Variants in ADAM7 observed in about 807,000 individuals in gnomAD.
ADAM7 encodes the protein disintegrin and metalloproteinase domain-containing protein 7.
In ADAM7, 97 loss-of-function variants were observed where a neutral mutation model predicts 102.9. The ratio of observed to expected loss-of-function variants is 0.94; its 90% confidence interval spans 0.80 to 1.12. The LOEUF is 1.12. Among genes scored for constraint, ADAM7 ranks in the 50% most tolerant of loss-of-function variants. The pLI is 0.00. For synonymous variants in ADAM7, 334 were observed against 304.4 expected (o/e 1.10, Z -1.01); for missense variants, 991 against 908.7 (o/e 1.09, Z -1.16).
intron 3 of ADAM7, among the ~76,000 whole-genome samples, chr8:24,449,390 T>G (rs1818689696): frequency 6.6e-6 from 1 of 152,246 alleles, no homozygotes; most frequent in South Asian, 2.1e-4. Flanking sequence ...GATTTGCATT[T>G]CTCTGATGGC....
intron 20 of ADAM7, among the ~76,000 whole-genome samples, chr8:24,502,919 GAA>G (rs35202171): frequency 0.72 from 109,647 of 151,804 alleles, 40,385 homozygotes; most frequent in African/African-American, 0.81. Flanking sequence ...ATTACAAGAA[GAA>G]AAAGCACTAC....
chr8:24,497,777 C>T (rs1200101778), intron 16 of ADAM7, among the ~76,000 whole-genome samples: 1 of 151,922 alleles, frequency 6.6e-6, no homozygotes, highest in Non-Finnish European at 1.5e-5. Flanking sequence ...CCTTGAATGT[C>T]AAAAATAAAG....
At chr8:24,472,411 T>C (rs1819637382) in intron 7 of ADAM7, among the ~76,000 whole-genome samples, 1 of 152,038 alleles carries the variant, frequency 6.6e-6, no homozygotes, top group Non-Finnish European at 1.5e-5. Flanking sequence ...TGTTTTCTTT[T>C]TTACCACAAC....
In ADAM7 at chr8:24,496,952, C is replaced by T. The variant is rs542380797; in HGVS notation, c.1843-2284C>T. ...GTGAGGACATGAGATTTGGGAGGGG[C>T]CAGGGACGGAATGATGTGGTTTGGC... On this transcript the variant is annotated intron_variant, in intron 16 of 21. Transcript: ENST00000175238. Among the ~76,000 whole-genome samples, 5 of 152,154 alleles carry T rather than the reference C, an allele frequency of 3.3e-5. 1 individual carries two copies. The highest frequency in any genetic ancestry group is 9.6e-5 in the African/African-American group (4 of 41,514).
At chr8:24,492,265 C>G in intron 14 of ADAM7, 167 bp downstream of exon 14, 1 of 731,474 alleles carries the variant, frequency 1.4e-6, no homozygotes, top group Non-Finnish European at 2.2e-6. Flanking sequence ...GTTGATCTTA[C>G]GTCTAATATT....
At chr8:24,506,268 G>C in intron 20 of ADAM7, 3 of 849,354 alleles carry the variant, frequency 3.5e-6, no homozygotes, top group South Asian at 1.6e-5. Flanking sequence ...ATATAACATC[G>C]ATAGCTCTCT....
intron 16 of ADAM7, among the ~76,000 whole-genome samples, chr8:24,498,390 TC>T (rs1167175015): frequency 6.6e-6 from 1 of 151,564 alleles, no homozygotes; most frequent in Non-Finnish European, 1.5e-5. Flanking sequence ...TTATTTAGAT[TC>T]AAATATATTA....
intron 2 of ADAM7, among the ~76,000 whole-genome samples, chr8:24,443,974 T>C (rs1480665537): frequency 8.4e-6 from 1 of 118,494 alleles, no homozygotes; most frequent in African/African-American, 3.2e-5. Flanking sequence ...TAAAATAAAA[T>C]AAAAATATCA....
chr8:24,490,765 C>G, intron 12 of ADAM7, 34 bp from the exon 13 acceptor site: 1 of 1,600,262 alleles, frequency 6.2e-7, no homozygotes, highest in Non-Finnish European at 8.5e-7. Context: ...GAGTACATAC[C>G]AATTTCTCAT....
At chr8:24,495,912 C>T (rs777025419) in intron 16 of ADAM7, among the ~76,000 whole-genome samples, 17 of 152,204 alleles carry the variant, frequency 1.1e-4, no homozygotes, top group East Asian at 3.8e-4. Context: ...AAGCTGGCTG[C>T]GGATGTCTGC....
At chr8:24,446,161 G>A (rs947941671) in intron 2 of ADAM7, among the ~76,000 whole-genome samples, 1 of 152,072 alleles carries the variant, frequency 6.6e-6, no homozygotes, top group Admixed American at 6.6e-5. Flanking sequence ...CAACAACTGT[G>A]AATCTTAAAT....
Position 24,466,838 on chromosome 8 carries a change from A to T in ADAM7, c.429A>T (p.Glu143Asp). 2 of 1,613,936 alleles carry T rather than the reference A, an allele frequency of 1.2e-6. No individual in the cohort carries two copies. The highest frequency in any genetic ancestry group is 1.7e-6 in the Non-Finnish European group (2 of 1,179,942). Residue 143 changes from glutamate to aspartate, a missense_variant, in exon 6 of 22, where the codon GAA (glutamate) becomes GAT (aspartate). By Grantham distance (45) the Glu-to-Asp change is conservative. Transcript: ENST00000175238. The part of the protein sequence containing the change: ...FRINDQRYLI[E>D]PVKYSDEGEH... The stretch of plus-strand genomic sequence containing the variant: ...TAAACGACCAAAGATACCTCATTGA[A>T]CCAGTGAAATACTCAGATGAGGGAG...
rs1413397708 is a variant in ADAM7, at chr8:24,490,861, A to C, written c.1329A>C (p.Ala443=). ...TCVLKPGFTC[A]EGECCESCQI... ...TACTGAAGCCAGGATTTACTTGTGC[A>C]GAAGGAGAATGCTGTGAATCTTGTC... Residue 443 remains alanine, a synonymous_variant, in exon 13 of 22, where the codon GCA becomes GCC. Coordinates refer to ENST00000175238, the MANE Select transcript of ADAM7 (RefSeq NM_003817.4). 1 of 1,613,696 alleles carries C rather than the reference A, an allele frequency of 6.2e-7. No homozygotes were observed. The highest frequency in any genetic ancestry group is 2.2e-5 in the East Asian group (1 of 44,882).
Position 24,509,321 on chromosome 8 carries a change from T to C in ADAM7, c.*775T>C. The C allele has an allele frequency of 1.0e-6, 1 of 985,462 alleles. No individual in the cohort carries two copies. The highest frequency in any genetic ancestry group is 1.2e-6 in the Non-Finnish European group (1 of 829,976). The allele number at this position is 985,462 out of a possible 1,614,324, so 61.0% of individuals were successfully genotyped here. ...GTGCAATTTGACAATGTGCCATTTC[T>C]GTGCTGTCTCTGCCCTCTCCCTATC... On this transcript the variant is annotated 3_prime_UTR_variant, in exon 22 of 22. Transcript: ENST00000175238.
intron 3 of ADAM7, among the ~76,000 whole-genome samples, chr8:24,458,565 T>C (rs1819124570): frequency 6.6e-6 from 1 of 152,132 alleles, no homozygotes; most frequent in South Asian, 2.1e-4. Context: ...TACTTAGAAA[T>C]CTTCTAGGAA....
At chr8:24,475,464 T>C (rs1427016202) in intron 7 of ADAM7, among the ~76,000 whole-genome samples, 1 of 152,122 alleles carries the variant, frequency 6.6e-6, no homozygotes, top group African/African-American at 2.4e-5. Flanking sequence ...ACATTAAATG[T>C]GGAGAAGATG....
intron 8 of ADAM7, among the ~76,000 whole-genome samples, chr8:24,479,219 T>A (rs1177958916): frequency 6.6e-6 from 1 of 152,158 alleles, no homozygotes; most frequent in Non-Finnish European, 1.5e-5. Context: ...CATCCTGATT[T>A]AACCTCAGTC....
rs759156006 is a variant in ADAM7, at chr8:24,499,322, A to G, written c.1923+6A>G. Reference sequence around the variant, plus strand: ...CTCAGTGCAATGAAAATCCTGTAAGATATGACTGCTTTCAAAATTAATGTC... The same window carrying G: ...CTCAGTGCAATGAAAATCCTGTAAGGTATGACTGCTTTCAAAATTAATGTC... On this transcript the variant is annotated splice_donor_region_variant and intron_variant, in intron 17 of 21. Coordinates refer to ENST00000175238, the MANE Select transcript of ADAM7 (RefSeq NM_003817.4). The G allele has an allele frequency of 7.6e-6, 12 of 1,588,956 alleles. No homozygotes were observed. The highest frequency in any genetic ancestry group is 9.4e-6 in the Non-Finnish European group (11 of 1,166,116).
chr8:24,454,504 G>A (rs1437900547), intron 3 of ADAM7, among the ~76,000 whole-genome samples: 2 of 152,186 alleles, frequency 1.3e-5, no homozygotes, highest in African/African-American at 4.8e-5. Flanking sequence ...AAGCCCGTCG[G>A]AAAAGTGCAG....
Sources: allele counts gnomAD v4.1 joint callset (sites outside exome capture counted in the v4.1 genomes callset), GRCh38; gene constraint gnomAD v4.1.1; transcripts MANE v1.5; gene names NCBI Gene and HGNC (gene_info 2026-07-23, HGNC 2026-07-21).